The following EXOC6 variants were observed in gnomAD, a reference collection of about 807,000 sequenced individuals.
The protein encoded by EXOC6 is SEC15-like 1.
A neutral mutation model predicts 112.5 loss-of-function variants in EXOC6; 60 were observed. That is an observed-to-expected ratio of 0.53 (90% CI 0.43 to 0.66). The LOEUF (loss-of-function observed/expected upper bound fraction) is 0.66, where lower values mean the gene tolerates loss of function less well. Ranked by LOEUF, EXOC6 falls within the 30% of genes least tolerant of loss-of-function variation. EXOC6 has a pLI of 0.00. For missense variants in EXOC6, 855 were observed against 957.1 expected (o/e 0.89, Z 1.41); for synonymous variants, 295 against 308.0 (o/e 0.96, Z 0.44).
At chr10:92,870,456 C>G (rs983817189) in intron 1 of EXOC6, among the ~76,000 whole-genome samples, 45 of 152,176 alleles carry the variant, frequency 3.0e-4, no homozygotes, top group Middle Eastern at 6.8e-3. Flanking sequence ...TGAAATAGTC[C>G]TGCTTCTTAG....
Position 92,974,205 on chromosome 10 carries a change from C to T in EXOC6, c.1926C>T (p.Ser642=). The change falls in exon 18 of 22, where the codon AGC becomes AGT. Residue 642 remains serine, a synonymous_variant. Coordinates refer to ENST00000260762, the MANE Select transcript of EXOC6 (RefSeq NM_019053.6). Reference sequence around the variant, plus strand: ...TGGACCTTATAAATTTTTTGAGAAGCATCTTTCAAGTGTTTACTCATTTGC... The same window carrying T: ...TGGACCTTATAAATTTTTTGAGAAGTATCTTTCAAGTGTTTACTCATTTGC... ...YLMDLINFLR[S]IFQVFTHLPG... The T allele has an allele frequency of 1.3e-6, 2 of 1,574,870 alleles. No homozygotes were observed. Among genetic ancestry groups the T allele is most frequent in the Non-Finnish European group, 1.7e-6 (2 of 1,170,250 alleles).
chr10:92,992,645 T>G (rs1843318285), intron 18 of EXOC6, among the ~76,000 whole-genome samples: 1 of 152,128 alleles, frequency 6.6e-6, no homozygotes, highest in Admixed American at 6.5e-5. Flanking sequence ...AACAGATTTC[T>G]TGAATTAAAA....
chr10:92,848,581 G>T lies in EXOC6; in HGVS notation c.48G>T (p.Arg16=). The change falls in exon 1 of 22, where the codon CGG becomes CGT. Residue 16 remains arginine, a synonymous_variant. Transcript: ENST00000260762. ...TGGGCACCGTCCCCGAGCACGAGCG[G>T]ATCTTGCAGGAGATCGAGAGCACCG... ...ESLGTVPEHE[R]ILQEIESTDT... The T allele has an allele frequency of 6.9e-7, 1 of 1,454,624 alleles. No individual in the cohort carries two copies. Among genetic ancestry groups the T allele is most frequent in the Non-Finnish European group, 9.2e-7 (1 of 1,086,808 alleles). The allele number at this position is 1,454,624 out of a possible 1,614,324, so 90.1% of individuals were successfully genotyped here. A position where few individuals can be genotyped will look rare whatever the true frequency, so the allele number is the denominator to read the frequency against.
At chr10:92,976,673 T>A (rs974238162) in intron 18 of EXOC6, among the ~76,000 whole-genome samples, 4 of 140,120 alleles carry the variant, frequency 2.9e-5, no homozygotes, top group South Asian at 2.2e-4. Flanking sequence ...AAAAAAATAA[T>A]AAATTAAAAA....
intron 18 of EXOC6, among the ~76,000 whole-genome samples, chr10:92,990,356 C>T (rs918643709): frequency 3.3e-5 from 5 of 152,110 alleles, no homozygotes; most frequent in Non-Finnish European, 1.5e-5. Flanking sequence ...GCATAGCATA[C>T]TTAAATATTT....
At chr10:92,898,782 G>A (rs558373475) in intron 4 of EXOC6, among the ~76,000 whole-genome samples, 1 of 152,194 alleles carries the variant, frequency 6.6e-6, no homozygotes, top group East Asian at 1.9e-4. Context: ...ACACATAAAC[G>A]ATGTTTTTTG....
rs1271625409 is a variant in EXOC6, at chr10:92,896,101, A to ATATATGTG, written c.412+1086_412+1087insGTGTATAT. ...TATATGTGTATATATATATGTGTGT[A>ATATATGTG]TATATATGTGTATATATATGTGTGT... On this transcript the variant is annotated intron_variant, in intron 4 of 21. Coordinates refer to ENST00000260762, the MANE Select transcript of EXOC6 (RefSeq NM_019053.6). 9.8e-4 allele frequency among the ~76,000 whole-genome samples: 35 copies of ATATATGTG among 35,596 alleles called. 3 individuals carry two copies. In the East Asian group the frequency reaches 0.014, roughly 15 times the overall value. The allele number at this position is 35,596 out of a possible 152,430, so 23.4% of individuals were successfully genotyped here. A position where few individuals can be genotyped will look rare whatever the true frequency, so the allele number is the denominator to read the frequency against.
At chr10:93,017,681 A>G (rs573484573) in intron 20 of EXOC6, among the ~76,000 whole-genome samples, 38 of 152,250 alleles carry the variant, frequency 2.5e-4, no homozygotes, top group Non-Finnish European at 3.5e-4. Context: ...CGATTCATCC[A>G]TGTAACCAAA....
chr10:92,864,262 G>C (rs922346797), intron 1 of EXOC6, among the ~76,000 whole-genome samples: 1 of 152,166 alleles, frequency 6.6e-6, no homozygotes, highest in Non-Finnish European at 1.5e-5. Flanking sequence ...AGCCCAACAA[G>C]ATTAAGCAAA....
At chr10:93,052,813 T>A (rs1370372783) in intron 20 of EXOC6, among the ~76,000 whole-genome samples, 1 of 152,206 alleles carries the variant, frequency 6.6e-6, no homozygotes, top group East Asian at 1.9e-4. Context: ...GTAAAATTGC[T>A]TTTGGGTAAT....
At chr10:92,828,568 A>T (rs1417123357) in intron 1 of EXOC6, among the ~76,000 whole-genome samples, 1 of 150,694 alleles carries the variant, frequency 6.6e-6, no homozygotes, top group Non-Finnish European at 1.5e-5. Context: ...TCCTGACCTC[A>T]GGTGATCTGC....
intron 19 of EXOC6, among the ~76,000 whole-genome samples, chr10:93,009,049 C>T (rs554474313): frequency 6.6e-6 from 1 of 152,110 alleles, no homozygotes; most frequent in South Asian, 2.1e-4. Flanking sequence ...GTCCCCCTGT[C>T]TCTACAGAAA....
chr10:92,863,001 G>A (rs1847981081), intron 1 of EXOC6, among the ~76,000 whole-genome samples: 1 of 152,180 alleles, frequency 6.6e-6, no homozygotes, highest in East Asian at 1.9e-4. Context: ...CATTGTTGAA[G>A]ATACAAGCTC....
chr10:92,845,412 A>C (rs2133601495), upstream of EXOC6, among the ~76,000 whole-genome samples: 1 of 151,706 alleles, frequency 6.6e-6, no homozygotes, highest in Admixed American at 6.6e-5. Context: ...AATTAGCTGG[A>C]TGTGGTGACA....
chr10:93,010,655 C>T (rs539508971), intron 19 of EXOC6, among the ~76,000 whole-genome samples: 4 of 150,298 alleles, frequency 2.7e-5, no homozygotes, highest in Admixed American at 1.3e-4. Context: ...GCCAAGATTG[C>T]GCCACTGCAC....
rs117986427 is a variant in EXOC6, at chr10:93,034,972, T to C, written c.2169+20705T>C. Reference sequence around the variant, plus strand: ...ATATAGTAGCAGGACAACAAGCTTGTTCACACAGCTCCTCCAGCAAGCATT... The same window carrying C: ...ATATAGTAGCAGGACAACAAGCTTGCTCACACAGCTCCTCCAGCAAGCATT... On this transcript the variant is annotated intron_variant, in intron 20 of 21. Transcript: ENST00000260762. Among the ~76,000 whole-genome samples the C allele has an allele frequency of 1.3e-3, 196 of 152,292 alleles. 7 individuals carry two copies. In the East Asian group the frequency reaches 0.029, roughly 23 times the overall value.
Position 92,852,311 on chromosome 10 carries a change from A to G in EXOC6, c.101+3677A>G, listed in dbSNP as rs561110516. 3.3e-5 allele frequency among the ~76,000 whole-genome samples: 5 copies of G among 152,350 alleles called. No individual in the cohort carries two copies. The South Asian group carries it at 8.3e-4, about 25-fold the overall frequency. On this transcript the variant is annotated intron_variant, in intron 1 of 21. Transcript: ENST00000260762. ...CATCTTTAAGGAAGAATTAATGCCA[A>G]TTCTACAAAGACTTTTCTGGAAAAT...
intron 18 of EXOC6, among the ~76,000 whole-genome samples, chr10:92,976,363 C>A (rs961830272): frequency 6.6e-6 from 1 of 152,116 alleles, no homozygotes; most frequent in Non-Finnish European, 1.5e-5. Context: ...TGTGACCTTA[C>A]CCCCAACCCT....
At chr10:93,015,743 A>G (rs1446419705) in intron 20 of EXOC6, among the ~76,000 whole-genome samples, 1 of 152,266 alleles carries the variant, frequency 6.6e-6, no homozygotes, top group Non-Finnish European at 1.5e-5. Context: ...AAAAAAAAAA[A>G]AAGACAATGA....
Sources: gnomAD v4.1 joint callset for allele counts (sites outside exome capture counted in the v4.1 genomes callset) on GRCh38, gnomAD v4.1.1 for gene constraint, MANE v1.5 for transcripts, NCBI Gene and HGNC (gene_info 2026-07-23, HGNC 2026-07-21) for gene names.